C8orf34: variants seen among roughly 807,000 people sequenced by gnomAD.
C8orf34 encodes the protein chromosome 8 open reading frame 34.
C8orf34 carries 65 observed loss-of-function variants against 68.3 expected under a neutral mutation model. That is an observed-to-expected ratio of 0.95 (90% CI 0.78 to 1.17). C8orf34 has a LOEUF of 1.17. Among genes scored for constraint, C8orf34 ranks in the 50% most tolerant of loss-of-function variants. The pLI is 0.00. For synonymous variants in C8orf34, 244 were observed against 241.2 expected, an observed-to-expected ratio of 1.01 and a Z score of -0.11; for missense variants, 664 against 655.4, an observed-to-expected ratio of 1.01 and a Z score of -0.14.
At chr8:68,430,856 C>G (rs1263876750) in intron 1 of C8orf34, among the ~76,000 whole-genome samples, 1 of 152,076 alleles carries the variant, frequency 6.6e-6, no homozygotes, top group Non-Finnish European at 1.5e-5. Flanking sequence ...ACCAAACAGG[C>G]AACCCCTCTT....
rs1159167654 is a variant in C8orf34, at chr8:68,439,651, A to T, written c.475+5A>T. ...GGGCAGAAAGTGAAAAATCAGGTAA[A>T]TGAAGAATGTCTATGCAGTTAATTT... is the stretch of plus-strand genomic sequence containing the variant. On this transcript the variant is annotated splice_donor_5th_base_variant and intron_variant, in intron 2 of 13. Coordinates refer to ENST00000518698, the MANE Select transcript of C8orf34 (RefSeq NM_052958.4). The T allele has an allele frequency of 1.2e-6, 2 of 1,608,556 alleles. No individual in the cohort carries two copies. Among genetic ancestry groups the T allele is most frequent in the Non-Finnish European group, 1.7e-6 (2 of 1,178,382 alleles).
intron 1 of C8orf34, among the ~76,000 whole-genome samples, chr8:68,373,700 A>C (rs548933039): frequency 6.6e-6 from 1 of 152,322 alleles, no homozygotes; most frequent in Admixed American, 6.5e-5. Context: ...AAAAAAATAA[A>C]GTATGTTTTC....
At chr8:68,401,565 T>A (rs75226427) in intron 1 of C8orf34, among the ~76,000 whole-genome samples, 1,676 of 152,150 alleles carry the variant, frequency 0.011, 14 homozygotes, top group Middle Eastern at 0.024. Flanking sequence ...TGCCCATTCG[T>A]TGAGAGTTTT....
chr8:68,545,121 C>T (rs1815830893), intron 7 of C8orf34, among the ~76,000 whole-genome samples: 1 of 152,050 alleles, frequency 6.6e-6, no homozygotes, highest in Non-Finnish European at 1.5e-5. Flanking sequence ...AATTGTAGCT[C>T]CCATAATTCC....
chr8:68,432,354 G>C (rs557765671), intron 1 of C8orf34, among the ~76,000 whole-genome samples: 1 of 151,502 alleles, frequency 6.6e-6, no homozygotes, highest in Non-Finnish European at 1.5e-5. Flanking sequence ...CTGTTGCCCC[G>C]GGCTGGAGTG....
chr8:68,545,517 G>A (rs1815846813), intron 7 of C8orf34, among the ~76,000 whole-genome samples: 5 of 152,054 alleles, frequency 3.3e-5, no homozygotes, highest in Admixed American at 3.3e-4. Context: ...TAGTACAGTG[G>A]TGGAACAATG....
At chr8:68,597,589 T>TGC (rs1197690346) in intron 7 of C8orf34, among the ~76,000 whole-genome samples, 1 of 151,894 alleles carries the variant, frequency 6.6e-6, no homozygotes, top group East Asian at 1.9e-4. Context: ...TGTGTGTGTG[T>TGC]GTGTGTGTGT....
At chr8:68,450,154 A>G (rs1811285751) in intron 3 of C8orf34, among the ~76,000 whole-genome samples, 1 of 152,162 alleles carries the variant, frequency 6.6e-6, no homozygotes, top group Admixed American at 6.6e-5. Context: ...CCACTCATCC[A>G]TAAGAAGCAT....
At chr8:68,446,985 A>T (rs1472566996) in intron 3 of C8orf34, 2 of 152,830 alleles carry the variant, frequency 1.3e-5, no homozygotes, top group East Asian at 3.8e-4. Context: ...ACTACAAAGG[A>T]ATGACTGAGG....
chr8:68,476,656 T>C (rs556555593), intron 4 of C8orf34, among the ~76,000 whole-genome samples: 1 of 152,302 alleles, frequency 6.6e-6, no homozygotes, highest in Admixed American at 6.5e-5. Flanking sequence ...ATGTCATACA[T>C]ATTCAGTAGA....
chr8:68,637,440 A>G (rs962559834), intron 7 of C8orf34, among the ~76,000 whole-genome samples: 13 of 152,016 alleles, frequency 8.6e-5, no homozygotes, highest in African/African-American at 3.1e-4. Flanking sequence ...TACCAGTAAG[A>G]TTTCTAATGC....
At chr8:68,763,747 G>T (rs533634655) in intron 10 of C8orf34, among the ~76,000 whole-genome samples, 12 of 152,106 alleles carry the variant, frequency 7.9e-5, no homozygotes, top group African/African-American at 2.9e-4. Flanking sequence ...TGTGCTTCTT[G>T]TAATAATCCT....
intron 4 of C8orf34, among the ~76,000 whole-genome samples, chr8:68,484,733 G>T (rs1813002998): frequency 6.6e-6 from 1 of 152,150 alleles, no homozygotes; most frequent in Non-Finnish European, 1.5e-5. Flanking sequence ...TCATGCCTCT[G>T]TGAAGCGTTT....
chr8:68,557,879 A>C (rs753469112), intron 7 of C8orf34, among the ~76,000 whole-genome samples: 13 of 152,232 alleles, frequency 8.5e-5, no homozygotes, highest in Non-Finnish European at 1.9e-4. Context: ...TAGCATAAAC[A>C]TCAGAATAAT....
chr8:68,477,640 C>T (rs573387823), intron 4 of C8orf34, among the ~76,000 whole-genome samples: 1 of 152,382 alleles, frequency 6.6e-6, no homozygotes, highest in African/African-American at 2.4e-5. Context: ...TGGGAGCCAA[C>T]CCTGCATTTC....
chr8:68,775,118 G>A (rs139029046), intron 10 of C8orf34, among the ~76,000 whole-genome samples: 91 of 150,428 alleles, frequency 6.0e-4, no homozygotes, highest in African/African-American at 2.1e-3. Context: ...CAGTCCAAGC[G>A]ATGCTTCTCC....
Position 68,536,429 on chromosome 8 carries a change from A to G in C8orf34, c.1105+3280A>G, listed in dbSNP as rs1460981038. 7.9e-5 allele frequency among the ~76,000 whole-genome samples: 12 copies of G among 151,580 alleles called. No homozygotes were observed. In the South Asian group the frequency reaches 2.3e-3, roughly 29 times the overall value. On this transcript the variant is annotated intron_variant, in intron 7 of 13. Coordinates refer to ENST00000518698, the MANE Select transcript of C8orf34 (RefSeq NM_052958.4). ...TAAAAATCCCTGTATATTTTACTACATTAATTATCAGAGAACATTTGAGGA... is the reference window on the plus strand; with the variant it reads ...TAAAAATCCCTGTATATTTTACTACGTTAATTATCAGAGAACATTTGAGGA...
chr8:68,519,825 T>C (rs1414685484), intron 5 of C8orf34, among the ~76,000 whole-genome samples: 1 of 152,204 alleles, frequency 6.6e-6, no homozygotes, highest in Non-Finnish European at 1.5e-5. Flanking sequence ...ATTTTATAGT[T>C]GGAGAAAATG....
chr8:68,546,215 G>A (rs764804721), intron 7 of C8orf34, among the ~76,000 whole-genome samples: 5 of 151,910 alleles, frequency 3.3e-5, no homozygotes, highest in Non-Finnish European at 7.4e-5. Context: ...ACTTAAACCT[G>A]AACACATTAA....
Sources: gnomAD v4.1 joint callset for allele counts (sites outside exome capture counted in the v4.1 genomes callset) on GRCh38, gnomAD v4.1.1 for gene constraint, MANE v1.5 for transcripts, NCBI Gene and HGNC (gene_info 2026-07-23, HGNC 2026-07-21) for gene names.